The following HDAC8 variants were observed in gnomAD, a reference collection of about 807,000 sequenced individuals.
HDAC8 encodes histone deacetylase-like 1.
HDAC8 carries 1 observed loss-of-function variant against 32.2 expected under a neutral mutation model. The observed-to-expected ratio is 0.03, with a 90% CI of 0.01 to 0.15. The LOEUF is 0.15. Among genes scored for constraint, HDAC8 ranks in the 10% least tolerant of loss-of-function variants. The pLI is 1.00. For missense variants in HDAC8, 117 were observed against 300.0 expected (o/e 0.39, Z 4.51); for synonymous variants, 108 against 113.9 (o/e 0.95, Z 0.33).
chrX:72,417,998 G>T (rs2046391801), intron 9 of HDAC8, among the ~76,000 whole-genome samples: 2 of 111,589 alleles, frequency 1.8e-5, no homozygotes, highest in Admixed American at 1.9e-4. Flanking sequence ...AGTGGTGCTG[G>T]GAAAACTACT....
At chrX:72,527,085 T>C (rs2050175910) in intron 4 of HDAC8, among the ~76,000 whole-genome samples, 1 of 111,941 alleles carries the variant, frequency 8.9e-6, no homozygotes, top group Non-Finnish European at 1.9e-5. Flanking sequence ...TTTAGTATGT[T>C]ACACAAGGTC....
At position 72,472,633 on chromosome X, in the gene HDAC8, G is replaced by C. The variant is rs949331231; in HGVS notation, c.738-7902C>G. Among the ~76,000 whole-genome samples, 4 of 111,540 alleles carry C rather than the reference G, an allele frequency of 3.6e-5. No individual in the cohort carries two copies. The East Asian group carries it at 1.1e-3, about 31-fold the overall frequency. ...TTTTCTAACTTTGTCCTTCTGTTTC[G>C]AGATTGCTTTTGCTATTCTGGGTTG... On this transcript the variant is annotated intron_variant, in intron 7 of 10. Coordinates refer to ENST00000373573, the MANE Select transcript of HDAC8 (RefSeq NM_018486.3).
intron 9 of HDAC8, among the ~76,000 whole-genome samples, chrX:72,357,168 G>A (rs1273933940): frequency 9.2e-6 from 1 of 108,814 alleles, no homozygotes; most frequent in Non-Finnish European, 1.9e-5. Context: ...ATTTCTGGCT[G>A]TGTGGGAGGA....
chrX:72,335,905 T>C (rs2043669084), intron 10 of HDAC8, among the ~76,000 whole-genome samples: 2 of 98,513 alleles, frequency 2.0e-5, no homozygotes, highest in South Asian at 9.4e-4. Flanking sequence ...TGAAACACTG[T>C]CTCTAAAAAA....
At chrX:72,444,563 A>C (rs1467346375) in intron 9 of HDAC8, among the ~76,000 whole-genome samples, 1 of 102,969 alleles carries the variant, frequency 9.7e-6, no homozygotes, top group Non-Finnish European at 2.0e-5. Flanking sequence ...TCTATGACAA[A>C]CCCACAGCCA....
intron 4 of HDAC8, among the ~76,000 whole-genome samples, chrX:72,552,614 C>CAA (rs781889791): frequency 4.6e-5 from 4 of 86,604 alleles, no homozygotes; most frequent in African/African-American, 1.7e-4. Context: ...AACTCCGTTT[C>CAA]AAAAAAAAAA....
At chrX:72,487,335 GA>G (rs1242028994) in intron 7 of HDAC8, among the ~76,000 whole-genome samples, 3 of 111,700 alleles carry the variant, frequency 2.7e-5, no homozygotes, top group Non-Finnish European at 5.6e-5. Context: ...AAAAAAAAGA[GA>G]AAATATAGGG....
At chrX:72,482,912 T>C (rs956858477) in intron 7 of HDAC8, among the ~76,000 whole-genome samples, 1 of 111,508 alleles carries the variant, frequency 9.0e-6, no homozygotes, top group African/African-American at 3.3e-5. Flanking sequence ...TATTATAGAT[T>C]GCGGCAGGGA....
intron 9 of HDAC8, among the ~76,000 whole-genome samples, chrX:72,458,343 T>A (rs1305374482): frequency 8.9e-6 from 1 of 112,575 alleles, no homozygotes; most frequent in Non-Finnish European, 1.9e-5. Context: ...TATCACCGGT[T>A]TTATATTTTA....
intron 7 of HDAC8, among the ~76,000 whole-genome samples, chrX:72,482,245 C>T (rs1302060539): frequency 3.6e-5 from 4 of 111,392 alleles, no homozygotes; most frequent in Non-Finnish European, 7.5e-5. Context: ...TTTAGCTATA[C>T]TCATCTAAAA....
intron 9 of HDAC8, among the ~76,000 whole-genome samples, chrX:72,393,709 C>T (rs1204350621): frequency 9.0e-6 from 1 of 111,211 alleles, no homozygotes; most frequent in Non-Finnish European, 1.9e-5. Context: ...ATGTAACACC[C>T]CCCACTCCCC....
chrX:72,444,872 A>C (rs1421362808), intron 9 of HDAC8, among the ~76,000 whole-genome samples: 1 of 108,753 alleles, frequency 9.2e-6, no homozygotes, highest in Non-Finnish European at 1.9e-5. Context: ...AAAAATCACA[A>C]GCATTCTTAT....
intron 9 of HDAC8, among the ~76,000 whole-genome samples, chrX:72,411,340 T>C (rs2046191911): frequency 8.9e-6 from 1 of 112,038 alleles, no homozygotes; most frequent in African/African-American, 3.2e-5. Context: ...TCCCACCTTT[T>C]CATATGCTGT....
intron 4 of HDAC8, among the ~76,000 whole-genome samples, chrX:72,533,442 G>T (rs1046493052): frequency 1.8e-5 from 2 of 111,578 alleles, no homozygotes; most frequent in Non-Finnish European, 3.8e-5. Flanking sequence ...AACATTTAAA[G>T]TAGAAATAAT....
chrX:72,387,155 C>T lies in HDAC8; in HGVS notation c.1006-35317G>A, dbSNP rs144310801. Among the ~76,000 whole-genome samples, 453 of 112,565 alleles carry T rather than the reference C, an allele frequency of 4.0e-3. 1 individual carries two copies. The highest frequency in any genetic ancestry group is 9.2e-3 in the Middle Eastern group (2 of 218). ...AGGGCACACACTCAATTTAAGCCTG[C>T]GTGTGAACTGGAGTTCCCATGGGTT... On this transcript the variant is annotated intron_variant, in intron 9 of 10. Transcript: ENST00000373573.
intron 4 of HDAC8, among the ~76,000 whole-genome samples, chrX:72,497,822 G>A (rs1369699851): frequency 9.0e-6 from 1 of 111,560 alleles, no homozygotes; most frequent in Non-Finnish European, 1.9e-5. Context: ...TTGAATTAAT[G>A]AATATTCATT....
intron 9 of HDAC8, among the ~76,000 whole-genome samples, chrX:72,359,540 AAG>A (rs1555951814): frequency 9.0e-6 from 1 of 110,856 alleles, no homozygotes; most frequent in Non-Finnish European, 1.9e-5. Context: ...ATGTTGGAAA[AAG>A]AGAGCACAGG....
chrX:72,568,670 T>G, intron 3 of HDAC8, 84 bp downstream of exon 3: 23 of 1,083,567 alleles, frequency 2.1e-5, no homozygotes, highest in Non-Finnish European at 2.8e-5. Flanking sequence ...CATGATTTCT[T>G]AACGAAAAAT....
At chrX:72,523,561 C>T (rs2050045212) in intron 4 of HDAC8, among the ~76,000 whole-genome samples, 1 of 110,973 alleles carries the variant, frequency 9.0e-6, no homozygotes, top group Non-Finnish European at 1.9e-5. Context: ...CTCTGGTTTC[C>T]AATCCTCTGT....
Sources: allele counts gnomAD v4.1 joint callset (sites outside exome capture counted in the v4.1 genomes callset), GRCh38; gene constraint gnomAD v4.1.1; transcripts MANE v1.5; gene names NCBI Gene and HGNC (gene_info 2026-07-23, HGNC 2026-07-21).